Variants in BCL2 observed in about 807,000 individuals in gnomAD.
The protein encoded by BCL2 is BCL2 apoptosis regulator.
Under a neutral mutation model 14.2 loss-of-function variants are expected in BCL2, and 1 was observed. The observed-to-expected ratio is 0.07, with a 90% CI of 0.02 to 0.33. BCL2 has a LOEUF of 0.33. Ranked by LOEUF, BCL2 falls within the 10% of genes least tolerant of loss-of-function variation. The probability of loss-of-function intolerance (pLI) is 0.99; values close to 1 mark genes in which losing one functional copy is unlikely to be tolerated. For missense variants in BCL2, 247 were observed against 305.9 expected (o/e 0.81, Z 1.44); for synonymous variants, 151 against 137.2 (o/e 1.10, Z -0.70).
intron 2 of BCL2, among the ~76,000 whole-genome samples, chr18:63,276,172 C>T (rs947675280): frequency 4.6e-5 from 7 of 152,184 alleles, no homozygotes; most frequent in Non-Finnish European, 1.0e-4. Context: ...CCTGGTACCT[C>T]TGCAGCTCAC....
chr18:63,127,802 G>A lies in BCL2; in HGVS notation c.*823C>T, dbSNP rs1430424125. ...GACAGAGCCAGTATTGGGAGTTGGG[G>A]GGTGCGTATCCAAAATATATGAATA... On this transcript the variant is annotated 3_prime_UTR_variant, in exon 3 of 3. Transcript: ENST00000333681. 4.4e-6 allele frequency: 1 copy of A among 225,762 alleles called. No homozygotes were observed. Among genetic ancestry groups the A allele is most frequent in the Non-Finnish European group, 8.8e-6 (1 of 113,262 alleles). The allele number at this position is 225,762 out of a possible 1,614,324, so 14.0% of individuals were successfully genotyped here.
At position 63,318,252 on chromosome 18, in the gene BCL2, T is replaced by G. The variant is rs1246837824; in HGVS notation, c.415A>C (p.Arg139=). The G allele has an allele frequency of 6.2e-7, 1 of 1,614,172 alleles. No homozygotes were observed. Among genetic ancestry groups the G allele is most frequent in the Non-Finnish European group, 8.5e-7 (1 of 1,180,026 alleles). The change falls in exon 2 of 3, where the codon AGG becomes CGG. Residue 139 remains arginine (R), a synonymous_variant. Coordinates refer to ENST00000333681, the MANE Select transcript of BCL2 (RefSeq NM_000633.3). The surrounding 1 kb of genome is among the most constrained non-coding windows in gnomAD (Gnocchi z 7.4). ...RFATVVEELF[R]DGVNWGRIVA... ...ATCCTCCCCCAGTTCACCCCGTCCC[T>G]GAAGAGCTCCTCCACCACCGTGGCA... is the stretch of plus-strand genomic sequence containing the variant.
rs1256132556 is a variant in BCL2, at chr18:63,318,256, G to C, written c.411C>G (p.Leu137=). The C allele has an allele frequency of 3.1e-6, 5 of 1,614,210 alleles. No homozygotes were observed. The highest frequency in any genetic ancestry group is 1.3e-5 in the African/African-American group (1 of 75,062). ...TCCCCCAGTTCACCCCGTCCCTGAA[G>C]AGCTCCTCCACCACCGTGGCAAAGC... ...RGRFATVVEE[L]FRDGVNWGRI... Residue 137 remains leucine (L), a synonymous_variant, in exon 2 of 3, where the codon CTC becomes CTG. Coordinates refer to ENST00000333681, the MANE Select transcript of BCL2 (RefSeq NM_000633.3). The surrounding 1 kb of genome is among the most constrained non-coding windows in gnomAD (Gnocchi z 7.4).
chr18:63,164,949 G>A (rs1331080773), intron 2 of BCL2, among the ~76,000 whole-genome samples: 1 of 152,146 alleles, frequency 6.6e-6, no homozygotes, highest in African/African-American at 2.4e-5. Context: ...ATGATAGACT[G>A]GATTAAGAAA....
intron 2 of BCL2, among the ~76,000 whole-genome samples, chr18:63,163,145 C>T (rs1914964901): frequency 6.6e-6 from 1 of 152,144 alleles, no homozygotes; most frequent in African/African-American, 2.4e-5. Flanking sequence ...CATGGCTGGC[C>T]ACCCTTCCTT....
chr18:63,225,137 CA>C (rs1348131750), intron 2 of BCL2, among the ~76,000 whole-genome samples: 4 of 151,754 alleles, frequency 2.6e-5, no homozygotes, highest in African/African-American at 9.7e-5. Flanking sequence ...AAGTCTGTAC[CA>C]GGTACAAAGA....
chr18:63,251,177 G>A (rs1274837457), intron 2 of BCL2, among the ~76,000 whole-genome samples: 1 of 144,550 alleles, frequency 6.9e-6, no homozygotes, highest in Non-Finnish European at 1.5e-5. Context: ...GGGGCTTGGG[G>A]CTTCTGGGGG....
intron 2 of BCL2, among the ~76,000 whole-genome samples, chr18:63,208,334 AC>A (rs1482428730): frequency 1.3e-5 from 2 of 151,580 alleles, no homozygotes; most frequent in Non-Finnish European, 2.9e-5. Context: ...GCCACACTGT[AC>A]CCCCCACCCC....
chr18:63,264,436 C>T (rs956645595), intron 2 of BCL2, among the ~76,000 whole-genome samples: 1 of 152,126 alleles, frequency 6.6e-6, no homozygotes, highest in African/African-American at 2.4e-5. Flanking sequence ...TACCTCAATG[C>T]TCCACTGTGT....
chr18:63,279,127 T>C (rs1453342337), intron 2 of BCL2, among the ~76,000 whole-genome samples: 3 of 152,232 alleles, frequency 2.0e-5, no homozygotes, highest in Non-Finnish European at 4.4e-5. Context: ...TTCATGACTT[T>C]GGGATAGGCA....
intron 2 of BCL2, among the ~76,000 whole-genome samples, chr18:63,179,494 T>C (rs1599228056): frequency 6.6e-6 from 1 of 152,174 alleles, no homozygotes; most frequent in Admixed American, 6.5e-5. Context: ...CCCCTTCCCA[T>C]GTTTTCTCCT....
chr18:63,173,502 C>T (rs1915277267), intron 2 of BCL2, among the ~76,000 whole-genome samples: 1 of 152,102 alleles, frequency 6.6e-6, no homozygotes, highest in South Asian at 2.1e-4. Context: ...AGTCATCAGA[C>T]CTGGAGCAGA....
chr18:63,243,575 A>T (rs973521814), intron 2 of BCL2, among the ~76,000 whole-genome samples: 1 of 152,184 alleles, frequency 6.6e-6, no homozygotes, highest in African/African-American at 2.4e-5. Flanking sequence ...CCCACTGTGA[A>T]GTCTGTGCAG....
intron 2 of BCL2, among the ~76,000 whole-genome samples, chr18:63,194,338 CTTT>C (rs147419261): frequency 2.8e-5 from 4 of 144,010 alleles, no homozygotes; most frequent in Non-Finnish European, 6.1e-5. Flanking sequence ...AAACTTTTTT[CTTT>C]TTTTTTTTTT....
chr18:63,296,141 G>A (rs1912789123), intron 2 of BCL2, among the ~76,000 whole-genome samples: 1 of 152,182 alleles, frequency 6.6e-6, no homozygotes, highest in African/African-American at 2.4e-5. Flanking sequence ...TTCTAAGTGG[G>A]CTGTGTTCTA....
intron 2 of BCL2, among the ~76,000 whole-genome samples, chr18:63,145,560 T>C (rs1304032430): frequency 8.5e-5 from 13 of 152,238 alleles, no homozygotes. Flanking sequence ...GCAGATACCT[T>C]TAAATTCCTA....
chr18:63,130,067 G>T (rs191948891), intron 2 of BCL2, among the ~76,000 whole-genome samples: 1 of 152,306 alleles, frequency 6.6e-6, no homozygotes, highest in African/African-American at 2.4e-5. Flanking sequence ...CTACCCTCTG[G>T]ATGGGCTTGG....
chr18:63,131,529 C>A (rs921991247), intron 2 of BCL2, among the ~76,000 whole-genome samples: 3 of 152,180 alleles, frequency 2.0e-5, no homozygotes, highest in Admixed American at 2.0e-4. Flanking sequence ...CAGAACTCTG[C>A]CTCTTCCAGG....
In BCL2 at chr18:63,125,590, G is replaced by C. The variant is rs898523335; in HGVS notation, c.*3035C>G. 4.7e-6 allele frequency: 1 copy of C among 213,382 alleles called. No individual in the cohort carries two copies. The highest frequency in any genetic ancestry group is 9.5e-6 in the Non-Finnish European group (1 of 105,466). 13.2% of individuals were successfully genotyped at this position (213,382 alleles called of 1,614,324 possible). Reference sequence around the variant, plus strand: ...AGGACTGTTTTTTCATTCATAAAGAGCAGTTAAGATGCAGATGTGAATCCC... The same window carrying C: ...AGGACTGTTTTTTCATTCATAAAGACCAGTTAAGATGCAGATGTGAATCCC... On this transcript the variant is annotated 3_prime_UTR_variant, in exon 3 of 3. Coordinates refer to ENST00000333681, the MANE Select transcript of BCL2 (RefSeq NM_000633.3).
Sources: allele counts gnomAD v4.1 joint callset (sites outside exome capture counted in the v4.1 genomes callset), GRCh38; gene constraint gnomAD v4.1.1; non-coding constraint Gnocchi (gnomAD v3.1); transcripts MANE v1.5; gene names NCBI Gene and HGNC (gene_info 2026-07-23, HGNC 2026-07-21).